Variants in UBAC2 observed in about 807,000 individuals in gnomAD.
UBAC2 encodes the protein UBA domain containing 2.
UBAC2 carries 26 observed loss-of-function variants against 44.0 expected under a neutral mutation model. The observed-to-expected ratio is 0.59, with a 90% confidence interval of 0.43 to 0.82. The LOEUF (loss-of-function observed/expected upper bound fraction) is 0.82, where lower values mean the gene tolerates loss of function less well. UBAC2 is among the 40% of genes least tolerant of loss of function. The probability of loss-of-function intolerance (pLI) is 0.00; values close to 1 mark genes in which losing one functional copy is unlikely to be tolerated. For missense variants in UBAC2, 329 were observed against 419.4 expected, an observed-to-expected ratio of 0.78 and a Z score of 1.88; for synonymous variants, 155 against 154.3, an observed-to-expected ratio of 1.00 and a Z score of -0.04.
intron 5 of UBAC2, 81 bp from the exon 6 acceptor site, chr13:99,317,941 G>T: frequency 1.8e-6 from 2 of 1,124,882 alleles, no homozygotes; most frequent in African/African-American, 1.6e-5. Flanking sequence ...AAATGGTCAT[G>T]ACTATAGTTA....
intron 1 of UBAC2, chr13:99,234,355 T>C (rs1437690470): frequency 6.2e-6 from 2 of 322,790 alleles, no homozygotes; most frequent in Non-Finnish European, 1.3e-5. Context: ...GCCCGGGTAA[T>C]TTTTTTGTAT....
intron 4 of UBAC2, among the ~76,000 whole-genome samples, chr13:99,272,680 TTCC>T (rs1234834883): frequency 1.3e-5 from 2 of 152,158 alleles, no homozygotes; most frequent in Non-Finnish European, 2.9e-5. Context: ...TTGGTCTCTC[TTCC>T]TCCTCTTACA....
chr13:99,374,632 C>G (rs1236614080), intron 8 of UBAC2, among the ~76,000 whole-genome samples: 1 of 152,210 alleles, frequency 6.6e-6, no homozygotes, highest in Non-Finnish European at 1.5e-5. Flanking sequence ...ATCCTTACCA[C>G]TGTCTCCAGA....
intron 4 of UBAC2, among the ~76,000 whole-genome samples, chr13:99,309,444 A>G (rs2044383012): frequency 6.6e-6 from 1 of 152,076 alleles, no homozygotes; most frequent in African/African-American, 2.4e-5. Flanking sequence ...AGGCAGATGA[A>G]GAAGAGGTGA....
chr13:99,234,354 A>AT, intron 1 of UBAC2: 7 of 324,106 alleles, frequency 2.2e-5, no homozygotes, highest in East Asian at 1.4e-4. Flanking sequence ...CGCCCGGGTA[A>AT]TTTTTTTGTA....
At chr13:99,334,462 A>G (rs905987047) in intron 6 of UBAC2, among the ~76,000 whole-genome samples, 2 of 152,196 alleles carry the variant, frequency 1.3e-5, no homozygotes, top group African/African-American at 4.8e-5. Flanking sequence ...AGACAAAATT[A>G]TACTTTGTTT....
Position 99,385,387 on chromosome 13 carries a change from G to T in UBAC2, c.*52G>T. 1 of 1,450,792 alleles carries T rather than the reference G, an allele frequency of 6.9e-7. No homozygotes were observed. 89.9% of individuals were successfully genotyped at this position (1,450,792 alleles called of 1,614,324 possible). On this transcript the variant is annotated 3_prime_UTR_variant, in exon 9 of 9. Coordinates refer to ENST00000403766, the MANE Select transcript of UBAC2 (RefSeq NM_001144072.2). ...ACCGGCAGCCGAGTGACAGTGCGTG[G>T]TCCCCACCATCAGATCAGCCCGGGG... is the stretch of plus-strand genomic sequence containing the variant.
At chr13:99,288,355 T>C (rs1209982464) in intron 4 of UBAC2, among the ~76,000 whole-genome samples, 1 of 152,148 alleles carries the variant, frequency 6.6e-6, no homozygotes, top group African/African-American at 2.4e-5. Flanking sequence ...TTCAGTTGAG[T>C]GGACAGGATG....
At chr13:99,211,072 C>T (rs1201963019) in intron 1 of UBAC2, among the ~76,000 whole-genome samples, 3 of 152,180 alleles carry the variant, frequency 2.0e-5, no homozygotes, top group South Asian at 2.1e-4. Flanking sequence ...ACTTTTAGTA[C>T]GTACTGCCAA....
chr13:99,222,079 C>T (rs560638750), intron 1 of UBAC2, among the ~76,000 whole-genome samples: 2 of 152,260 alleles, frequency 1.3e-5, no homozygotes, highest in South Asian at 2.1e-4. Context: ...TACTGAAAGG[C>T]AACTGTGTGC....
chr13:99,227,187 A>T (rs572780872), intron 1 of UBAC2, among the ~76,000 whole-genome samples: 2 of 151,736 alleles, frequency 1.3e-5, no homozygotes, highest in Non-Finnish European at 2.9e-5. Flanking sequence ...AACAAGAGCG[A>T]AACTCCATCT....
In UBAC2 at chr13:99,243,883, T is replaced by G. The variant is rs2043349741; in HGVS notation, c.211T>G (p.Phe71Val). 6.4e-7 allele frequency: 1 copy of G among 1,574,146 alleles called. No homozygotes were observed. Among genetic ancestry groups the G allele is most frequent in the Non-Finnish European group, 8.6e-7 (1 of 1,157,612 alleles). Reference sequence around the variant, plus strand: ...AATTTGCCTTGATTTGAAAGATACTTTCTGCAGTAGTCTGCTTATTTATAA... The same window carrying G: ...AATTTGCCTTGATTTGAAAGATACTGTCTGCAGTAGTCTGCTTATTTATAA... Reference protein sequence around the residue: ...RIICLDLKDTFCSSLLIYNFR... With the variant: ...RIICLDLKDTVCSSLLIYNFR... The change falls in exon 3 of 9, where the codon TTC (phenylalanine) becomes GTC (valine). Residue 71 changes from phenylalanine (F) to valine (V), a missense_variant. By Grantham distance (50) the Phe-to-Val change is conservative (BLOSUM62 -1). Transcript: ENST00000403766.
intron 4 of UBAC2, among the ~76,000 whole-genome samples, chr13:99,265,639 G>T (rs959147575): frequency 6.6e-6 from 1 of 152,154 alleles, no homozygotes; most frequent in Non-Finnish European, 1.5e-5. Flanking sequence ...GACCTGGCAC[G>T]TGCGTCTTCA....
chr13:99,348,887 C>T (rs2045033928), intron 7 of UBAC2, among the ~76,000 whole-genome samples: 1 of 152,146 alleles, frequency 6.6e-6, no homozygotes, highest in African/African-American at 2.4e-5. Context: ...GTGGCCTGTG[C>T]CTGTAGTCCC....
intron 7 of UBAC2, among the ~76,000 whole-genome samples, chr13:99,363,971 CTTACA>C (rs1220373626): frequency 9.9e-5 from 15 of 152,056 alleles, no homozygotes; most frequent in African/African-American, 3.4e-4. Flanking sequence ...ATTTTTTGTA[CTTACA>C]TTCTCTAATG....
intron 4 of UBAC2, among the ~76,000 whole-genome samples, chr13:99,250,648 G>A (rs2043446788): frequency 6.6e-6 from 1 of 152,120 alleles, no homozygotes; most frequent in Admixed American, 6.5e-5. Context: ...TAAATCTGTA[G>A]ATTGCTTTGG....
chr13:99,303,151 T>G (rs1184313935), intron 4 of UBAC2, among the ~76,000 whole-genome samples: 3 of 152,202 alleles, frequency 2.0e-5, no homozygotes, highest in Non-Finnish European at 4.4e-5. Flanking sequence ...CCAATAGATC[T>G]GCGAAAGGCC....
chr13:99,344,310 A>G (rs1438161350), intron 7 of UBAC2, among the ~76,000 whole-genome samples: 2 of 152,194 alleles, frequency 1.3e-5, no homozygotes, highest in Non-Finnish European at 2.9e-5. Flanking sequence ...ATACCTCCCA[A>G]TATGAGAGCT....
intron 4 of UBAC2, among the ~76,000 whole-genome samples, chr13:99,273,086 TA>T (rs1214336491): frequency 1.3e-5 from 2 of 152,184 alleles, no homozygotes; most frequent in Middle Eastern, 3.2e-3. Context: ...CAGTTATCTT[TA>T]AAAATTCAGC....
Sources: gnomAD v4.1 joint callset for allele counts (sites outside exome capture counted in the v4.1 genomes callset) on GRCh38, gnomAD v4.1.1 for gene constraint, MANE v1.5 for transcripts, NCBI Gene and HGNC (gene_info 2026-07-23, HGNC 2026-07-21) for gene names.